The following ANO4 variants were observed in gnomAD, a reference collection of about 807,000 sequenced individuals.
ANO4 encodes the protein anoctamin-4.
ANO4 carries 69 observed loss-of-function variants against 141.9 expected under a neutral mutation model. The observed-to-expected ratio is 0.49, with a 90% CI of 0.40 to 0.59. The LOEUF is 0.59. Ranked by LOEUF, ANO4 falls within the 20% of genes least tolerant of loss-of-function variation. ANO4 has a pLI of 0.00. For synonymous variants in ANO4, 350 were observed against 394.3 expected (o/e 0.89, Z 1.33); for missense variants, 894 against 1,162.2 (o/e 0.77, Z 3.36).
chr12:101,126,096 GA>G (rs2051302883), intron 26 of ANO4, among the ~76,000 whole-genome samples: 2 of 152,102 alleles, frequency 1.3e-5, no homozygotes, highest in African/African-American at 4.8e-5. Flanking sequence ...TTAACTATTT[GA>G]AAATATGAGA....
chr12:101,084,150 A>C (rs896213860), intron 16 of ANO4, among the ~76,000 whole-genome samples: 1 of 152,348 alleles, frequency 6.6e-6, no homozygotes, highest in East Asian at 1.9e-4. Flanking sequence ...GATGTACAGT[A>C]GTGTTTTTCA....
chr12:100,980,188 A>C (rs2044396427), intron 7 of ANO4, among the ~76,000 whole-genome samples: 1 of 152,216 alleles, frequency 6.6e-6, no homozygotes, highest in African/African-American at 2.4e-5. Context: ...GCCAAGCTAA[A>C]GGAAAAAGAA....
At chr12:101,073,674 C>G (rs1412825763) in intron 14 of ANO4, among the ~76,000 whole-genome samples, 2 of 151,616 alleles carry the variant, frequency 1.3e-5, no homozygotes, top group Non-Finnish European at 2.9e-5. Context: ...TATGAGACAC[C>G]CTTCTCAACG....
chr12:100,826,728 C>A (rs1235340011), intron 1 of ANO4, among the ~76,000 whole-genome samples: 1 of 151,588 alleles, frequency 6.6e-6, no homozygotes, highest in Non-Finnish European at 1.5e-5. Context: ...GATCTCCAAA[C>A]TTAACCTGGC....
At chr12:100,729,372 A>T in intron 1 of ANO4, among the ~76,000 whole-genome samples, 1 of 149,244 alleles carries the variant, frequency 6.7e-6, no homozygotes, top group Non-Finnish European at 1.5e-5. Flanking sequence ...AAAAAAAAAA[A>T]AAAAAAAAAA....
At chr12:100,985,803 A>G (rs2044682426) in intron 7 of ANO4, among the ~76,000 whole-genome samples, 1 of 152,206 alleles carries the variant, frequency 6.6e-6, no homozygotes, top group Non-Finnish European at 1.5e-5. Context: ...GAGATAGTGA[A>G]AGAGAAGTTT....
At chr12:100,766,365 A>T (rs1113550) in intron 3 of ANO4, among the ~76,000 whole-genome samples, 35,012 of 151,880 alleles carry the variant, frequency 0.23, 4,672 homozygotes, top group East Asian at 0.52. Flanking sequence ...TTCTTTCTTA[A>T]TGTAGGCATT....
chr12:100,964,317 T>C (rs2043553378), intron 5 of ANO4, among the ~76,000 whole-genome samples: 1 of 152,178 alleles, frequency 6.6e-6, no homozygotes, highest in Admixed American at 6.6e-5. Context: ...GTTCCTCATT[T>C]GCAATAAATT....
intron 2 of ANO4, among the ~76,000 whole-genome samples, chr12:100,902,284 G>A (rs1482209880): frequency 1.3e-5 from 2 of 152,132 alleles, no homozygotes; most frequent in Non-Finnish European, 2.9e-5. Context: ...GAGAAGACTG[G>A]AGTCATTATA....
rs923106119 is a variant in ANO4, at chr12:100,942,603, T to C, written c.456+68T>C. On this transcript the variant is annotated intron_variant, in intron 5 of 27. Transcript: ENST00000392977. ...ATTCATATGAAGAGGCAATAAGAAATAAGCAAGCAGTCTTAATGTTAACCA... is the reference window on the plus strand; with the variant it reads ...ATTCATATGAAGAGGCAATAAGAAACAAGCAAGCAGTCTTAATGTTAACCA... 8 of 1,499,874 alleles carry C rather than the reference T, an allele frequency of 5.3e-6. No individual in the cohort carries two copies. In the African/African-American group the frequency reaches 7.0e-5, roughly 13 times the overall value. 92.9% of individuals were successfully genotyped at this position (1,499,874 alleles called of 1,614,324 possible). A position where few individuals can be genotyped will look rare whatever the true frequency, so the allele number is the denominator to read the frequency against.
intron 1 of ANO4, among the ~76,000 whole-genome samples, chr12:100,798,140 C>T (rs980989638): frequency 7.2e-5 from 11 of 152,106 alleles, no homozygotes; most frequent in African/African-American, 2.7e-4. Flanking sequence ...TCTAAAAGGT[C>T]TTTGTGTTAA....
At chr12:100,787,127 G>A (rs987346747) in intron 3 of ANO4, among the ~76,000 whole-genome samples, 4 of 152,112 alleles carry the variant, frequency 2.6e-5, no homozygotes, top group Non-Finnish European at 5.9e-5. Flanking sequence ...CTCAGGGTGG[G>A]GACTTCTCTG....
chr12:100,781,599 G>C (rs2033713003), intron 3 of ANO4, among the ~76,000 whole-genome samples: 1 of 152,004 alleles, frequency 6.6e-6, no homozygotes, highest in South Asian at 2.1e-4. Context: ...CTGCTTGATT[G>C]TATTCTGTTT....
intron 3 of ANO4, among the ~76,000 whole-genome samples, chr12:100,925,068 T>G (rs1322100761): frequency 6.6e-6 from 1 of 152,102 alleles, no homozygotes; most frequent in Non-Finnish European, 1.5e-5. Context: ...TCTATTGCTT[T>G]GGAACTAATT....
chr12:100,727,200 G>A (rs1453606171), intron 1 of ANO4, among the ~76,000 whole-genome samples: 1 of 152,160 alleles, frequency 6.6e-6, no homozygotes, highest in Non-Finnish European at 1.5e-5. Flanking sequence ...TAATTGTACT[G>A]TTCAAATTTT....
chr12:101,088,743 T>A (rs2049613512), intron 17 of ANO4, among the ~76,000 whole-genome samples: 1 of 152,068 alleles, frequency 6.6e-6, no homozygotes, highest in African/African-American at 2.4e-5. Context: ...AATTTTTTTT[T>A]AATTAGCCAG....
At chr12:101,062,232 T>G (rs2048376391) in intron 14 of ANO4, among the ~76,000 whole-genome samples, 1 of 152,204 alleles carries the variant, frequency 6.6e-6, no homozygotes, top group Non-Finnish European at 1.5e-5. Flanking sequence ...CAGCAAAGAT[T>G]GCTGCCTATT....
At chr12:101,107,846 A>T (rs907416980) in intron 22 of ANO4, among the ~76,000 whole-genome samples, 2 of 152,144 alleles carry the variant, frequency 1.3e-5, no homozygotes, top group African/African-American at 4.8e-5. Flanking sequence ...GAGGCAAAAA[A>T]GTCAGTTAGA....
At chr12:100,925,907 A>C (rs562545965) in intron 3 of ANO4, among the ~76,000 whole-genome samples, 1 of 151,828 alleles carries the variant, frequency 6.6e-6, no homozygotes, top group South Asian at 2.1e-4. Context: ...GCATATGTGC[A>C]TGCTTACATG....
Sources: allele counts gnomAD v4.1 joint callset (sites outside exome capture counted in the v4.1 genomes callset), GRCh38; gene constraint gnomAD v4.1.1; transcripts MANE v1.5; gene names NCBI Gene and HGNC (gene_info 2026-07-23, HGNC 2026-07-21).